TCF4: variants seen among roughly 807,000 people sequenced by gnomAD.
TCF4 encodes the protein SL3-3 enhancer factor 2.
TCF4 carries 3 observed loss-of-function variants against 82.1 expected under a neutral mutation model. The ratio of observed to expected loss-of-function variants is 0.04; its 90% CI spans 0.02 to 0.09. TCF4 has a LOEUF of 0.09. TCF4 is among the 10% of genes least tolerant of loss of function. The pLI is 1.00. For synonymous variants in TCF4, 276 were observed against 309.6 expected (o/e 0.89, Z 1.14); for missense variants, 518 against 852.7 (o/e 0.61, Z 4.89).
intron 17 of TCF4, chr18:55,230,332 G>C (rs573686390): frequency 6.6e-6 from 1 of 152,214 alleles, no homozygotes; most frequent in Admixed American, 6.5e-5. Context: ...AGAGGATGAT[G>C]AGCCACCTGG....
intron 8 of TCF4, among the ~76,000 whole-genome samples, chr18:55,292,541 G>T (rs2065329693): frequency 6.6e-6 from 1 of 152,114 alleles, no homozygotes; most frequent in African/African-American, 2.4e-5. Context: ...GAATTTAAGA[G>T]AAATATACAG....
chr18:55,592,361 A>C (rs2097686459), upstream of TCF4, among the ~76,000 whole-genome samples: 1 of 152,136 alleles, frequency 6.6e-6, no homozygotes, highest in Non-Finnish European at 1.5e-5. Flanking sequence ...CAAGTTCTGG[A>C]GAGGGCTCTC....
chr18:55,295,676 C>T (rs529817042), intron 8 of TCF4, among the ~76,000 whole-genome samples: 2 of 152,300 alleles, frequency 1.3e-5, no homozygotes, highest in Non-Finnish European at 2.9e-5. Flanking sequence ...GCTCACAAGT[C>T]GCTTTTTGAT....
chr18:55,379,459 G>A (rs971044478), intron 6 of TCF4, among the ~76,000 whole-genome samples: 3 of 152,158 alleles, frequency 2.0e-5, no homozygotes, highest in African/African-American at 7.2e-5. Context: ...AGCTCCAGGA[G>A]CCCTGGGAAG....
intron 5 of TCF4, among the ~76,000 whole-genome samples, chr18:55,441,073 T>C (rs755430528): frequency 1.1e-4 from 17 of 152,222 alleles, no homozygotes; most frequent in Non-Finnish European, 1.5e-4. Flanking sequence ...TCTCAGTGTT[T>C]GAATTAATGG....
At chr18:55,261,069 CTTT>C (rs78112276) in intron 12 of TCF4, 9 of 91,900 alleles carry the variant, frequency 9.8e-5, no homozygotes, top group Non-Finnish European at 1.6e-4. Context: ...CAGTTATTGT[CTTT>C]TTTTTTTTTT....
At chr18:55,309,881 A>G (rs2071730696) in intron 8 of TCF4, among the ~76,000 whole-genome samples, 1 of 152,246 alleles carries the variant, frequency 6.6e-6, no homozygotes, top group Non-Finnish European at 1.5e-5. Context: ...TACTCCCTCA[A>G]ATAGTTTCAC....
chr18:55,507,830 T>C (rs2096780078), intron 3 of TCF4, among the ~76,000 whole-genome samples: 1 of 152,136 alleles, frequency 6.6e-6, no homozygotes, highest in South Asian at 2.1e-4. Context: ...GGTTCAAGTG[T>C]TGGTGCTGAG....
intron 6 of TCF4, among the ~76,000 whole-genome samples, chr18:55,353,356 C>T (rs905948562): frequency 5.9e-5 from 9 of 152,152 alleles, no homozygotes; most frequent in East Asian, 1.9e-4. Flanking sequence ...CATATGCAGG[C>T]GCAAGGACTA....
At chr18:55,417,404 T>A (rs1313561864) in intron 5 of TCF4, among the ~76,000 whole-genome samples, 2 of 152,206 alleles carry the variant, frequency 1.3e-5, no homozygotes, top group African/African-American at 4.8e-5. Flanking sequence ...ATGAAAGTGA[T>A]CATTGGATTA....
chr18:55,269,986 G>A, intron 10 of TCF4, 23 bp from the exon 11 acceptor site: 1 of 1,612,720 alleles, frequency 6.2e-7, no homozygotes, highest in Non-Finnish European at 8.5e-7. Flanking sequence ...GCAGAAAAAG[G>A]TGGCCATATT....
At chr18:55,330,874 C>T (rs1023464637) in intron 8 of TCF4, among the ~76,000 whole-genome samples, 1 of 152,194 alleles carries the variant, frequency 6.6e-6, no homozygotes, top group Non-Finnish European at 1.5e-5. Context: ...TAAGTTCTAG[C>T]TTTGTAACTT....
chr18:55,596,942 G>T (rs528877990), intron 2 of TCF4, among the ~76,000 whole-genome samples: 1 of 152,302 alleles, frequency 6.6e-6, no homozygotes, highest in African/African-American at 2.4e-5. Flanking sequence ...GGAGGGGCCT[G>T]ATGGGAGGTG....
chr18:55,610,933 T>C (rs555814500), intron 2 of TCF4, among the ~76,000 whole-genome samples: 5 of 152,322 alleles, frequency 3.3e-5, no homozygotes, highest in South Asian at 4.1e-4. Flanking sequence ...TCTTTTCTTA[T>C]GGTGAAGAGT....
chr18:55,607,160 C>G (rs1470406530), intron 2 of TCF4, among the ~76,000 whole-genome samples: 2 of 152,086 alleles, frequency 1.3e-5, no homozygotes, highest in African/African-American at 4.8e-5. Context: ...ATTGTATTTT[C>G]TCTTACGCTT....
At chr18:55,627,413 A>C (rs1309021108) in intron 2 of TCF4, among the ~76,000 whole-genome samples, 1 of 152,168 alleles carries the variant, frequency 6.6e-6, no homozygotes, top group East Asian at 1.9e-4. Flanking sequence ...AATGGCTTCC[A>C]CAGGGTACAA....
At chr18:55,580,964 C>T (rs2097570210) in intron 3 of TCF4, among the ~76,000 whole-genome samples, 2 of 151,968 alleles carry the variant, frequency 1.3e-5, no homozygotes, top group Admixed American at 1.3e-4. Context: ...GTATAAGGTA[C>T]ACAGCACACC....
At chr18:55,245,399 C>G (rs2052733781) in intron 15 of TCF4, among the ~76,000 whole-genome samples, 1 of 152,234 alleles carries the variant, frequency 6.6e-6, no homozygotes, top group South Asian at 2.1e-4. Flanking sequence ...AACTGAATTA[C>G]TTCATGAGTT....
intron 11 of TCF4, 138 bp from the exon 12 acceptor site, chr18:55,261,671 T>C (rs2058108181): frequency 4.0e-6 from 4 of 991,144 alleles, no homozygotes; most frequent in South Asian, 3.9e-5. Context: ...AGCATTAATT[T>C]GTTTGCTGAG....
Sources: gnomAD v4.1 joint callset for allele counts (sites outside exome capture counted in the v4.1 genomes callset) on GRCh38, gnomAD v4.1.1 for gene constraint, MANE v1.5 for transcripts, NCBI Gene and HGNC (gene_info 2026-07-23, HGNC 2026-07-21) for gene names.